Variants in EPB41L2 observed in about 807,000 individuals in gnomAD.
The protein encoded by EPB41L2 is band 4.1-like protein 2.
In EPB41L2, 43 loss-of-function variants were observed where a neutral mutation model predicts 113.0. That is an observed-to-expected ratio of 0.38 (90% CI 0.30 to 0.49). EPB41L2 has a LOEUF of 0.49. EPB41L2 is among the 20% of genes least tolerant of loss of function. The pLI, the probability that EPB41L2 is intolerant of heterozygous loss-of-function variation, is 0.95. For missense variants in EPB41L2, 1,147 were observed against 1,223.4 expected, an observed-to-expected ratio of 0.94 and a Z score of 0.93; for synonymous variants, 442 against 436.7, an observed-to-expected ratio of 1.01 and a Z score of -0.15.
At chr6:131,046,850 T>C (rs922777696) in intron 1 of EPB41L2, among the ~76,000 whole-genome samples, 2 of 152,162 alleles carry the variant, frequency 1.3e-5, no homozygotes, top group African/African-American at 4.8e-5. Context: ...ATGAAAACTA[T>C]CCCCTAATGA....
At chr6:130,865,702 C>T (rs941401834) in intron 16 of EPB41L2, 68 bp from the exon 17 acceptor site, 17 of 1,493,376 alleles carry the variant, frequency 1.1e-5, no homozygotes, top group Admixed American at 5.2e-5. Context: ...AGAAGATCCC[C>T]GCCCCATCGA....
chr6:130,858,592 C>T (rs867110435), intron 18 of EPB41L2, among the ~76,000 whole-genome samples: 20 of 133,796 alleles, frequency 1.5e-4, no homozygotes, highest in South Asian at 2.5e-4. Flanking sequence ...AGAGTTGTAA[C>T]GATCATTTTA....
At chr6:130,914,455 C>A (rs1360317675) in intron 4 of EPB41L2, among the ~76,000 whole-genome samples, 1 of 152,164 alleles carries the variant, frequency 6.6e-6, no homozygotes, top group Non-Finnish European at 1.5e-5. Context: ...GAAAACCAAG[C>A]CCTTTCTATA....
intron 4 of EPB41L2, among the ~76,000 whole-genome samples, chr6:130,925,149 C>G (rs1483163174): frequency 1.3e-5 from 2 of 150,524 alleles, no homozygotes; most frequent in African/African-American, 2.5e-5. Context: ...ACTACCTTTT[C>G]TTATGCAAAA....
chr6:130,863,670 T>A lies in EPB41L2; in HGVS notation c.2878A>T (p.Ile960Phe), dbSNP rs1411736024. Residue 960 changes from isoleucine (I) to phenylalanine (F), a missense_variant, in exon 18 of 20, where the codon ATC (isoleucine) becomes TTC (phenylalanine). By Grantham distance (21) the Ile-to-Phe change is conservative. Transcript: ENST00000337057. Reference protein sequence around the residue: ...SETRIEKRIVITGDGDIDHDQ... With the variant: ...SETRIEKRIVFTGDGDIDHDQ... ...TGATCAATATCTCCATCTCCTGTGA[T>A]CACAATGCGTTTCTCAATTCTTGTT... The A allele has an allele frequency of 6.2e-7, 1 of 1,613,568 alleles. No homozygotes were observed. The highest frequency in any genetic ancestry group is 8.5e-7 in the Non-Finnish European group (1 of 1,179,616).
intron 3 of EPB41L2, among the ~76,000 whole-genome samples, chr6:130,944,851 C>T (rs2128595088): frequency 6.6e-6 from 1 of 152,250 alleles, no homozygotes; most frequent in East Asian, 1.9e-4. Flanking sequence ...TAAGGAGTGA[C>T]TTGATTATGA....
intron 19 of EPB41L2, among the ~76,000 whole-genome samples, chr6:130,844,253 T>C (rs1277016765): frequency 6.6e-6 from 1 of 152,164 alleles, no homozygotes; most frequent in African/African-American, 2.4e-5. Flanking sequence ...TCAAATATTC[T>C]GAAAACGGGA....
At chr6:130,975,405 A>G (rs956198934) in intron 1 of EPB41L2, among the ~76,000 whole-genome samples, 12 of 152,232 alleles carry the variant, frequency 7.9e-5, no homozygotes, top group Non-Finnish European at 1.5e-4. Flanking sequence ...TCTTAAACCC[A>G]GTATCATAAT....
intron 1 of EPB41L2, among the ~76,000 whole-genome samples, chr6:130,976,227 A>G (rs1778161505): frequency 6.6e-6 from 1 of 152,160 alleles, no homozygotes; most frequent in South Asian, 2.1e-4. Flanking sequence ...TCCACATTTC[A>G]TAGGATCATT....
chr6:130,900,045 T>C (rs1795865474), intron 7 of EPB41L2, among the ~76,000 whole-genome samples: 1 of 152,206 alleles, frequency 6.6e-6, no homozygotes, highest in African/African-American at 2.4e-5. Flanking sequence ...ACTAAAATTA[T>C]TTCCATTCCT....
At chr6:130,894,624 A>G (rs567781091) in intron 9 of EPB41L2, among the ~76,000 whole-genome samples, 183 bp from the exon 10 acceptor site, 5 of 152,350 alleles carry the variant, frequency 3.3e-5, no homozygotes, top group Admixed American at 1.3e-4. Flanking sequence ...TTTTCTACAA[A>G]AAGCAAGTAA....
chr6:131,000,128 C>T (rs12198862), intron 1 of EPB41L2, among the ~76,000 whole-genome samples: 3,374 of 149,378 alleles, frequency 0.023, 70 homozygotes, highest in South Asian at 0.094. Context: ...ATGTAAATAC[C>T]GTATAAAGAT....
intron 3 of EPB41L2, among the ~76,000 whole-genome samples, chr6:130,932,373 T>TA (rs1456488106): frequency 2.0e-5 from 3 of 151,208 alleles, no homozygotes; most frequent in African/African-American, 7.3e-5. Context: ...GGACTACAAA[T>TA]ATACATTTGT....
chr6:130,919,707 T>C (rs3822862), intron 4 of EPB41L2, among the ~76,000 whole-genome samples: 6,214 of 152,290 alleles, frequency 0.041, 380 homozygotes, highest in African/African-American at 0.13. Context: ...TCCATGAACA[T>C]AGTCAACTGA....
intron 11 of EPB41L2, among the ~76,000 whole-genome samples, chr6:130,887,400 C>CA (rs1791383592): frequency 6.6e-6 from 1 of 151,798 alleles, no homozygotes; most frequent in Admixed American, 6.6e-5. Flanking sequence ...TCTCTTGCAT[C>CA]AAATGATTTT....
chr6:130,993,386 T>C (rs1365340568), intron 1 of EPB41L2, among the ~76,000 whole-genome samples: 2 of 152,318 alleles, frequency 1.3e-5, no homozygotes, highest in Non-Finnish European at 2.9e-5. Context: ...CTTATAATTG[T>C]CTCTGCAAGG....
chr6:130,916,074 T>C (rs1437198285), intron 4 of EPB41L2, among the ~76,000 whole-genome samples: 1 of 152,246 alleles, frequency 6.6e-6, no homozygotes, highest in African/African-American at 2.4e-5. Context: ...TGTACTTTTA[T>C]TATAGTTATA....
intron 3 of EPB41L2, among the ~76,000 whole-genome samples, chr6:130,940,052 G>C (rs1197630007): frequency 6.6e-6 from 1 of 152,178 alleles, no homozygotes. Context: ...ATTAGGATAA[G>C]CAGACTGAAA....
At chr6:130,883,599 A>G (rs1362174644) in intron 12 of EPB41L2, among the ~76,000 whole-genome samples, 1 of 152,210 alleles carries the variant, frequency 6.6e-6, no homozygotes, top group Non-Finnish European at 1.5e-5. Flanking sequence ...ATAACTAGAT[A>G]TGTCAAGTTA....
Sources: gnomAD v4.1 joint callset for allele counts (sites outside exome capture counted in the v4.1 genomes callset) on GRCh38, gnomAD v4.1.1 for gene constraint, MANE v1.5 for transcripts, NCBI Gene and HGNC (gene_info 2026-07-23, HGNC 2026-07-21) for gene names.